The following SYNPR variants were observed in gnomAD, a reference collection of about 807,000 sequenced individuals.
SYNPR encodes synaptoporin.
In SYNPR, 23 loss-of-function variants were observed where a neutral mutation model predicts 32.9. The observed-to-expected ratio is 0.70, with a 90% CI of 0.50 to 0.99. The LOEUF (loss-of-function observed/expected upper bound fraction) is 0.99. SYNPR is among the 50% of genes least tolerant of loss of function. The pLI is 0.00. For synonymous variants in SYNPR, 146 were observed against 135.9 expected (o/e 1.07, Z -0.52); for missense variants, 318 against 349.3 (o/e 0.91, Z 0.71).
At chr3:63,331,876 A>G (rs939289087) in intron 2 of SYNPR, among the ~76,000 whole-genome samples, 3 of 152,132 alleles carry the variant, frequency 2.0e-5, no homozygotes, top group African/African-American at 7.2e-5. Context: ...GTGTGCCAGG[A>G]GCTGAGGTTT....
chr3:63,296,657 G>A (rs1272807285), intron 2 of SYNPR, among the ~76,000 whole-genome samples: 3 of 152,180 alleles, frequency 2.0e-5, no homozygotes, highest in African/African-American at 7.2e-5. Context: ...GCCCATATTA[G>A]CAATAAAAGT....
At chr3:63,370,520 G>T (rs2087797928) in intron 2 of SYNPR, among the ~76,000 whole-genome samples, 1 of 152,160 alleles carries the variant, frequency 6.6e-6, no homozygotes, top group South Asian at 2.1e-4. Flanking sequence ...AGTGGAATTT[G>T]TACTCGCCCA....
chr3:63,497,595 C>T (rs566651832), intron 3 of SYNPR, among the ~76,000 whole-genome samples: 5 of 150,970 alleles, frequency 3.3e-5, no homozygotes, highest in Non-Finnish European at 5.9e-5. Flanking sequence ...ATCTTTGACA[C>T]AAACTTTGCC....
chr3:63,257,088 A>G (rs7427788), intron 2 of SYNPR, among the ~76,000 whole-genome samples: 127,372 of 152,158 alleles, frequency 0.84, 53,937 homozygotes, highest in African/African-American at 0.91. Flanking sequence ...CCAAATCTAT[A>G]TCTGATTGGT....
At chr3:63,604,816 C>T (rs978273907) in intron 4 of SYNPR, among the ~76,000 whole-genome samples, 1 of 152,086 alleles carries the variant, frequency 6.6e-6, no homozygotes, top group Non-Finnish European at 1.5e-5. Context: ...GCAAATTTTG[C>T]CATGTGAAGT....
At chr3:63,421,923 A>G (rs1209719512) in intron 2 of SYNPR, among the ~76,000 whole-genome samples, 1 of 152,138 alleles carries the variant, frequency 6.6e-6, no homozygotes, top group African/African-American at 2.4e-5. Flanking sequence ...TCTGTTTCTG[A>G]CTTTTAGAAC....
chr3:63,461,585 G>C (rs1441810244), intron 2 of SYNPR, among the ~76,000 whole-genome samples: 2 of 151,980 alleles, frequency 1.3e-5, no homozygotes, highest in Non-Finnish European at 2.9e-5. Context: ...GTGAGGCTGA[G>C]TGGCATCCAA....
At chr3:63,365,790 GA>G (rs2087722504) in intron 2 of SYNPR, among the ~76,000 whole-genome samples, 1 of 150,758 alleles carries the variant, frequency 6.6e-6, no homozygotes, top group Non-Finnish European at 1.5e-5. Context: ...TGTAAAATGG[GA>G]TAGACAAAAA....
chr3:63,204,080 G>A, the SYNPR span, among the ~76,000 whole-genome samples: 2 of 152,128 alleles, frequency 1.3e-5, no homozygotes, highest in African/African-American at 4.8e-5. Flanking sequence ...TCAAGACCTT[G>A]TGGGGCCTGG....
rs191033650 is a variant in SYNPR at position 63,403,558 on chromosome 3, A to G, written c.85-77274A>G. Among the ~76,000 whole-genome samples, 275 of 152,184 alleles carry G rather than the reference A, an allele frequency of 1.8e-3. 1 individual carries two copies. The highest frequency in any genetic ancestry group is 3.2e-3 in the Non-Finnish European group (216 of 68,006). ...ATTTATTGGATACCATCCTCATTTAACAGATGAGACAGCACAGGAACCCAG... is the reference window on the plus strand; with the variant it reads ...ATTTATTGGATACCATCCTCATTTAGCAGATGAGACAGCACAGGAACCCAG... On this transcript the variant is annotated intron_variant, in intron 2 of 5. Coordinates refer to ENST00000478300, the MANE Select transcript of SYNPR (RefSeq NM_001130003.2).
At position 63,420,908 on chromosome 3, in the gene SYNPR, G is replaced by A. The variant is rs563657765; in HGVS notation, c.85-59924G>A. ...TTAATTAATTAATTTTTTGAGTCAC[G>A]GTCTTGCTGCCTCCCAGGCTGGAGT... On this transcript the variant is annotated intron_variant, in intron 2 of 5. Transcript: ENST00000478300. Among the ~76,000 whole-genome samples the A allele has an allele frequency of 2.5e-4, 38 of 152,124 alleles. No homozygotes were observed. The South Asian group carries it at 7.1e-3, about 28-fold the overall frequency.
At chr3:63,458,117 T>G (rs1164195715) in intron 2 of SYNPR, among the ~76,000 whole-genome samples, 1 of 152,142 alleles carries the variant, frequency 6.6e-6, no homozygotes, top group East Asian at 1.9e-4. Flanking sequence ...GTAATTAAAT[T>G]GTTGCATTTA....
At position 63,586,654 on chromosome 3, in the gene SYNPR, A is replaced by ATGTGTGTGTGTGTGTGTGTGTGTG. The variant is rs10530383; in HGVS notation, c.409-22465_409-22442dup. On this transcript the variant is annotated intron_variant, in intron 4 of 5. Transcript: ENST00000478300. ...TCTTCCCTTTCTTCTTGCAGATTCA[A>ATGTGTGTGTGTGTGTGTGTGTGTG]TGTGTGTGTGTGTGTGTGTGTGTGT... Among the ~76,000 whole-genome samples, 4 of 143,658 alleles carry ATGTGTGTGTGTGTGTGTGTGTGTG rather than the reference A, an allele frequency of 2.8e-5. No homozygotes were observed. The East Asian group carries it at 8.2e-4, about 30-fold the overall frequency. 94.2% of individuals were successfully genotyped at this position (143,658 alleles called of 152,430 possible).
intron 2 of SYNPR, among the ~76,000 whole-genome samples, chr3:63,348,082 T>C (rs2087460624): frequency 6.6e-6 from 1 of 152,168 alleles, no homozygotes; most frequent in Non-Finnish European, 1.5e-5. Flanking sequence ...GGTGGTTCTA[T>C]TTTTAGTTCT....
chr3:63,502,008 T>C (rs1701491468), intron 3 of SYNPR, among the ~76,000 whole-genome samples: 1 of 152,168 alleles, frequency 6.6e-6, no homozygotes, highest in African/African-American at 2.4e-5. Context: ...ATGAAGAAAA[T>C]AATATTTAAG....
At chr3:63,380,919 A>T (rs895164355) in intron 2 of SYNPR, among the ~76,000 whole-genome samples, 5 of 152,156 alleles carry the variant, frequency 3.3e-5, no homozygotes, top group South Asian at 4.1e-4. Flanking sequence ...AATAAGAGCT[A>T]TCTATGACAA....
At chr3:63,407,701 G>A (rs115864821) in intron 2 of SYNPR, among the ~76,000 whole-genome samples, 1,694 of 152,206 alleles carry the variant, frequency 0.011, 32 homozygotes, top group African/African-American at 0.039. Context: ...CCCTTGAGAG[G>A]TGGATCCAGG....
intron 2 of SYNPR, among the ~76,000 whole-genome samples, chr3:63,306,087 C>A (rs1002641537): frequency 6.6e-6 from 1 of 152,004 alleles, no homozygotes; most frequent in Admixed American, 6.6e-5. Flanking sequence ...ACCCGAGAGC[C>A]TTTGGATTCT....
chr3:63,467,192 T>C lies in SYNPR; in HGVS notation c.85-13640T>C, dbSNP rs77504991. Among the ~76,000 whole-genome samples, 59 of 152,166 alleles carry C rather than the reference T, an allele frequency of 3.9e-4. No individual in the cohort carries two copies. The East Asian group carries it at 0.011, about 30-fold the overall frequency. On this transcript the variant is annotated intron_variant, in intron 2 of 5. Transcript: ENST00000478300. ...AGCTGAGCTAACTTACTTTATTTTATTTAATTTATTTATTTTGTAGAGATG... is the reference window on the plus strand; with the variant it reads ...AGCTGAGCTAACTTACTTTATTTTACTTAATTTATTTATTTTGTAGAGATG...
Sources: gnomAD v4.1 joint callset for allele counts (sites outside exome capture counted in the v4.1 genomes callset) on GRCh38, gnomAD v4.1.1 for gene constraint, MANE v1.5 for transcripts, NCBI Gene and HGNC (gene_info 2026-07-23, HGNC 2026-07-21) for gene names.